The following GALNTL6 variants were observed in gnomAD, a reference collection of about 807,000 sequenced individuals.
GALNTL6 encodes polypeptide N-acetylgalactosaminyltransferase like 6, also known as polypeptide N-acetylgalactosaminyltransferase-like 6.
In GALNTL6, 46 loss-of-function variants were observed where a neutral mutation model predicts 73.7. The observed-to-expected ratio is 0.62, with a 90% confidence interval of 0.49 to 0.80. The LOEUF is 0.80. Among genes scored for constraint, GALNTL6 ranks in the 30% least tolerant of loss-of-function variants. The pLI, the probability that GALNTL6 is intolerant of heterozygous loss-of-function variation, is 0.00. For synonymous variants in GALNTL6, 259 were observed against 263.7 expected, an observed-to-expected ratio of 0.98 and a Z score of 0.17; for missense variants, 604 against 755.0, an observed-to-expected ratio of 0.80 and a Z score of 2.34.
chr4:171,894,155 A>T (rs1022872717), intron 2 of GALNTL6, among the ~76,000 whole-genome samples: 2 of 152,224 alleles, frequency 1.3e-5, no homozygotes, highest in East Asian at 3.8e-4. Context: ...TGTATAATTT[A>T]TACTCACAAT....
intron 5 of GALNTL6, among the ~76,000 whole-genome samples, chr4:172,419,657 A>G (rs932581509): frequency 1.3e-5 from 2 of 152,190 alleles, no homozygotes; most frequent in African/African-American, 4.8e-5. Flanking sequence ...TAAAATTGCA[A>G]TGAGAAGTGA....
chr4:172,656,484 G>A (rs1415012159), intron 5 of GALNTL6, among the ~76,000 whole-genome samples: 4 of 152,284 alleles, frequency 2.6e-5, no homozygotes, highest in South Asian at 2.1e-4. Flanking sequence ...GTGCTGGTGA[G>A]ACAAATGAGC....
intron 8 of GALNTL6, among the ~76,000 whole-genome samples, chr4:172,917,388 AT>A (rs2111282097): frequency 6.6e-6 from 1 of 152,332 alleles, no homozygotes; most frequent in East Asian, 1.9e-4. Context: ...AAAAGCCAAA[AT>A]TGACAAATGG....
intron 10 of GALNTL6, among the ~76,000 whole-genome samples, chr4:172,980,082 TAC>T (rs1465041858): frequency 1.3e-5 from 2 of 152,202 alleles, no homozygotes; most frequent in Non-Finnish European, 2.9e-5. Flanking sequence ...AAATTGTGTT[TAC>T]ACAGAGGCCG....
At chr4:172,414,560 T>C (rs1326642762) in intron 5 of GALNTL6, among the ~76,000 whole-genome samples, 1 of 152,160 alleles carries the variant, frequency 6.6e-6, no homozygotes, top group Non-Finnish European at 1.5e-5. Flanking sequence ...GTAGGTTTAT[T>C]GTCAAATAGA....
intron 5 of GALNTL6, among the ~76,000 whole-genome samples, chr4:172,574,634 G>A (rs1258649299): frequency 2.6e-5 from 4 of 151,332 alleles, no homozygotes; most frequent in Admixed American, 2.6e-4. Context: ...CAAACAACCA[G>A]CAACAACTAA....
intron 2 of GALNTL6, among the ~76,000 whole-genome samples, chr4:172,140,891 A>T (rs988311059): frequency 6.6e-6 from 1 of 152,056 alleles, no homozygotes; most frequent in Non-Finnish European, 1.5e-5. Context: ...GGCTAATAGT[A>T]AAAAGTAATG....
At chr4:173,015,587 T>G (rs1389266407) in intron 11 of GALNTL6, among the ~76,000 whole-genome samples, 1 of 152,166 alleles carries the variant, frequency 6.6e-6, no homozygotes, top group African/African-American at 2.4e-5. Context: ...AAGAGACTGG[T>G]GGCATTTTGC....
chr4:172,326,759 C>T (rs1219707787), intron 4 of GALNTL6, among the ~76,000 whole-genome samples: 1 of 151,746 alleles, frequency 6.6e-6, no homozygotes, highest in Non-Finnish European at 1.5e-5. Context: ...TTTCCTCTGG[C>T]TTTGCCTTCG....
At chr4:172,761,551 C>CT (rs1458630184) in intron 5 of GALNTL6, among the ~76,000 whole-genome samples, 1 of 152,120 alleles carries the variant, frequency 6.6e-6, no homozygotes, top group Non-Finnish European at 1.5e-5. Flanking sequence ...AAGGAGGAGT[C>CT]TCATGGGAGG....
intron 5 of GALNTL6, among the ~76,000 whole-genome samples, chr4:172,590,252 T>C (rs937185289): frequency 6.6e-6 from 1 of 152,160 alleles, no homozygotes; most frequent in African/African-American, 2.4e-5. Context: ...ATCTAAACCT[T>C]TTGGACAAAC....
At chr4:172,408,804 G>A (rs191705623) in intron 5 of GALNTL6, among the ~76,000 whole-genome samples, 2 of 152,060 alleles carry the variant, frequency 1.3e-5, no homozygotes, top group Non-Finnish European at 2.9e-5. Flanking sequence ...GGCTCTACTT[G>A]GCTGTATTCC....
intron 12 of GALNTL6, among the ~76,000 whole-genome samples, 174 bp downstream of exon 12, chr4:173,021,799 C>T (rs924996417): frequency 2.6e-5 from 4 of 151,904 alleles, no homozygotes; most frequent in Non-Finnish European, 5.9e-5. Flanking sequence ...TTGAGACCAG[C>T]CTGACCAACA....
At chr4:172,466,656 A>G (rs1345015346) in intron 5 of GALNTL6, among the ~76,000 whole-genome samples, 1 of 152,224 alleles carries the variant, frequency 6.6e-6, no homozygotes, top group African/African-American at 2.4e-5. Context: ...CAGTTGGTAC[A>G]TTTGAAGAAA....
At chr4:172,382,212 AC>A (rs1743308792) in intron 5 of GALNTL6, among the ~76,000 whole-genome samples, 1 of 151,422 alleles carries the variant, frequency 6.6e-6, no homozygotes, top group Admixed American at 6.6e-5. Flanking sequence ...CAGGTGATCC[AC>A]CTGCCTTGGC....
At chr4:172,582,929 A>G (rs989760388) in intron 5 of GALNTL6, among the ~76,000 whole-genome samples, 9 of 152,220 alleles carry the variant, frequency 5.9e-5, no homozygotes, top group Admixed American at 5.9e-4. Context: ...GATTATGTCT[A>G]TCCCTTTCTC....
intron 4 of GALNTL6, among the ~76,000 whole-genome samples, chr4:172,317,852 C>T (rs1740616636): frequency 1.3e-5 from 2 of 152,172 alleles, no homozygotes. Flanking sequence ...TCCTTGTGAA[C>T]TTGATTAAGT....
chr4:171,946,309 T>A (rs1043950374), intron 2 of GALNTL6, among the ~76,000 whole-genome samples: 1 of 152,174 alleles, frequency 6.6e-6, no homozygotes, highest in Admixed American at 6.6e-5. Flanking sequence ...GTTAAGTCAG[T>A]AGAACAATGA....
rs1339013151 is a variant in GALNTL6, at chr4:172,968,812, G to A, written c.1371+16554G>A. Among the ~76,000 whole-genome samples the A allele has an allele frequency of 2.6e-5, 4 of 151,998 alleles. No homozygotes were observed. In the South Asian group the frequency reaches 6.2e-4, roughly 24 times the overall value. On this transcript the variant is annotated intron_variant, in intron 10 of 12. Transcript: ENST00000506823. Reference sequence around the variant, plus strand: ...TTTAATACTTCACAGTAACAACAGAGAAGAGAGCCCTACACAAGAATCTTC... The same window carrying A: ...TTTAATACTTCACAGTAACAACAGAAAAGAGAGCCCTACACAAGAATCTTC...
Sources: allele counts gnomAD v4.1 joint callset (sites outside exome capture counted in the v4.1 genomes callset), GRCh38; gene constraint gnomAD v4.1.1; transcripts MANE v1.5; gene names NCBI Gene and HGNC (gene_info 2026-07-23, HGNC 2026-07-21).